The following C6orf89 variants were observed in gnomAD, a reference collection of about 807,000 sequenced individuals.
The protein encoded by C6orf89 is bombesin receptor-activated protein C6orf89.
C6orf89 carries 29 observed loss-of-function variants against 40.7 expected under a neutral mutation model. That is an observed-to-expected ratio of 0.71 (90% confidence interval 0.53 to 0.97). The LOEUF (loss-of-function observed/expected upper bound fraction) is 0.97, where lower values mean the gene tolerates loss of function less well. Among genes scored for constraint, C6orf89 ranks in the 50% least tolerant of loss-of-function variants. The pLI is 0.00. For missense variants in C6orf89, 392 were observed against 429.1 expected (o/e 0.91, Z 0.76); for synonymous variants, 165 against 152.2 (o/e 1.08, Z -0.62).
At chr6:36,910,258 T>G (rs11757380) in intron 4 of C6orf89, among the ~76,000 whole-genome samples, 31,132 of 151,958 alleles carry the variant, frequency 0.2, 3,294 homozygotes, top group East Asian at 0.3. Context: ...CCCAGCTCCT[T>G]TAGTTATTTT....
chr6:36,919,638 C>A lies in C6orf89; in HGVS notation c.886C>A (p.Pro296Thr), dbSNP rs764866742. Residue 296 changes from proline to threonine, a missense_variant, in exon 8 of 9, where the codon CCT becomes ACT. Physicochemically the swap from Pro to Thr is conservative, Grantham distance 38. Coordinates refer to ENST00000480824, the MANE Select transcript of C6orf89 (RefSeq NM_001286635.2). ...GSGEAMLQLI[P>T]PFQCRRHCQS... ...CGGTGAGGCCATGTTGCAGCTCATC[C>A]CTCCCTTCCAGTGCCGAAGACATTG... 6 of 1,614,154 alleles carry A rather than the reference C, an allele frequency of 3.7e-6. No homozygotes were observed. In the South Asian group the frequency reaches 5.5e-5, roughly 15 times the overall value.
intron 1 of C6orf89, among the ~76,000 whole-genome samples, chr6:36,875,190 T>G (rs1016482619): frequency 6.6e-6 from 1 of 152,058 alleles, no homozygotes; most frequent in Non-Finnish European, 1.5e-5. Context: ...AAGAGGGTAG[T>G]TTAGAGATGC....
intron 3 of C6orf89, among the ~76,000 whole-genome samples, chr6:36,901,154 G>A (rs1043368206): frequency 5.3e-5 from 8 of 151,108 alleles, no homozygotes; most frequent in African/African-American, 1.9e-4. Flanking sequence ...CCTAATACTT[G>A]TATTTTTGGT....
At chr6:36,916,922 G>C (rs1028728097) in intron 7 of C6orf89, among the ~76,000 whole-genome samples, 1 of 152,168 alleles carries the variant, frequency 6.6e-6, no homozygotes, top group Admixed American at 6.5e-5. Flanking sequence ...TAGAAAGTAG[G>C]CAAGCAGCCA....
upstream of C6orf89, chr6:36,883,236 T>C (rs1342045964): frequency 6.6e-6 from 1 of 152,174 alleles, no homozygotes; most frequent in Non-Finnish European, 1.5e-5. Flanking sequence ...AGAAAGACTG[T>C]CCTTGCCATC....
In C6orf89 at chr6:36,928,891, G is replaced by T. The variant is rs1408087852; in HGVS notation, c.*5450G>T. The T allele has an allele frequency of 2.0e-5, 3 of 152,248 alleles. No homozygotes were observed. The highest frequency in any genetic ancestry group is 7.2e-5 in the African/African-American group (3 of 41,448). 9.4% of individuals were successfully genotyped at this position (152,248 alleles called of 1,614,324 possible). A position where few individuals can be genotyped will look rare whatever the true frequency, so the allele number is the denominator to read the frequency against. On this transcript the variant is annotated 3_prime_UTR_variant, in exon 9 of 9. Coordinates refer to ENST00000480824, the MANE Select transcript of C6orf89 (RefSeq NM_001286635.2). ...CTGGTAAAGACTTCCACCATGTGAA[G>T]AATGTATGTAAATTAAAGTTTATTG...
rs1762751306 is a variant in C6orf89, at chr6:36,928,301, G to C, written c.*4860G>C. The C allele has an allele frequency of 6.6e-6, 1 of 152,296 alleles. No homozygotes were observed. The highest frequency in any genetic ancestry group is 2.4e-5 in the African/African-American group (1 of 41,434). 9.4% of individuals were successfully genotyped at this position (152,296 alleles called of 1,614,324 possible). ...GGAGAAAGGAACCCAGCCGAGGTCT[G>C]AGTTTCAGACAGAAACTGGGGAGTT... On this transcript the variant is annotated 3_prime_UTR_variant, in exon 9 of 9. Transcript: ENST00000480824.
intron 1 of C6orf89, chr6:36,874,916 T>TC: frequency 1.2e-6 from 1 of 858,024 alleles, no homozygotes; most frequent in Non-Finnish European, 1.8e-6. Flanking sequence ...AAGAGGACGG[T>TC]CCCTTCTTCC....
chr6:36,890,631 T>A (rs537420971), intron 1 of C6orf89, among the ~76,000 whole-genome samples: 145 of 152,314 alleles, frequency 9.5e-4, no homozygotes, highest in African/African-American at 3.5e-3. Context: ...CCTCCCAGGT[T>A]CAAGTGATTC....
chr6:36,881,209 T>C (rs1049189220), upstream of C6orf89, among the ~76,000 whole-genome samples: 4 of 152,198 alleles, frequency 2.6e-5, no homozygotes, highest in African/African-American at 9.7e-5. Context: ...TTGAGAGTAC[T>C]GAAAAAATAG....
chr6:36,878,565 G>C (rs974183627), intron 1 of C6orf89, among the ~76,000 whole-genome samples: 1 of 152,232 alleles, frequency 6.6e-6, no homozygotes, highest in Non-Finnish European at 1.5e-5. Context: ...GCTTAGTACA[G>C]TCTGTCACAG....
Position 36,927,839 on chromosome 6 carries a change from C to CCCCA in C6orf89, c.*4402_*4405dup, listed in dbSNP as rs1206709845. On this transcript the variant is annotated 3_prime_UTR_variant, in exon 9 of 9. Coordinates refer to ENST00000480824, the MANE Select transcript of C6orf89 (RefSeq NM_001286635.2). ...CCAGCAGCAGGCATTTCCCTGTCCT[C>CCCCA]CCCACCCCCAGTCTCCACATCCCCA... 6.6e-6 allele frequency: 1 copy of CCCCA among 152,372 alleles called. No individual in the cohort carries two copies. The highest frequency in any genetic ancestry group is 1.5e-5 in the Non-Finnish European group (1 of 68,148). The allele number at this position is 152,372 out of a possible 1,614,324, so 9.4% of individuals were successfully genotyped here.
chr6:36,923,324 T>C (rs370942464), intron 8 of C6orf89, 23 bp from the exon 9 acceptor site: 2 of 1,593,220 alleles, frequency 1.3e-6, no homozygotes, highest in Admixed American at 1.7e-5. Flanking sequence ...TTACATGCCT[T>C]CCTCTTGCTA....
In C6orf89 at chr6:36,899,537, A is replaced by G. The variant is rs2150690892; in HGVS notation, c.93A>G (p.Ser31=). The change falls in exon 3 of 9, where the codon TCA becomes TCG. Residue 31 remains serine (S), a synonymous_variant. Transcript: ENST00000480824. Reference sequence around the variant, plus strand: ...AGACCGGCCATCAGTGTGGCATGTCAGAGAAGGCAATTGAAAAATTTATCA... The same window carrying G: ...AGACCGGCCATCAGTGTGGCATGTCGGAGAAGGCAATTGAAAAATTTATCA... The part of the protein sequence containing the change: ...VRQTGHQCGM[S]EKAIEKFIRQ... 1 of 1,614,180 alleles carries G rather than the reference A, an allele frequency of 6.2e-7. No individual in the cohort carries two copies. Among genetic ancestry groups the G allele is most frequent in the South Asian group, 1.1e-5 (1 of 91,082 alleles).
chr6:36,901,923 G>A (rs561110824), intron 3 of C6orf89, among the ~76,000 whole-genome samples: 3 of 152,052 alleles, frequency 2.0e-5, no homozygotes, highest in South Asian at 4.2e-4. Flanking sequence ...TGCCCGCCTC[G>A]GCCTCCCAAA....
rs1476566020 is a variant in C6orf89 at position 36,919,517 on chromosome 6, C to T, written c.826-61C>T. 4.5e-6 allele frequency: 7 copies of T among 1,563,054 alleles called. No homozygotes were observed. The African/African-American group carries it at 9.5e-5, about 21-fold the overall frequency. ...TGAAAGCATTTTTATTTACTAAACC[C>T]CCTGGTTTTATTTCGTTTTCTTTGC... On this transcript the variant is annotated intron_variant, in intron 7 of 8. Transcript: ENST00000480824.
chr6:36,908,488 CTCTA>C (rs1474730015), intron 4 of C6orf89, among the ~76,000 whole-genome samples: 1 of 152,144 alleles, frequency 6.6e-6, no homozygotes, highest in Non-Finnish European at 1.5e-5. Flanking sequence ...TATTTCTCAT[CTCTA>C]TCCTTTTAAC....
chr6:36,889,434 A>G (rs1049071397), intron 1 of C6orf89, among the ~76,000 whole-genome samples: 1 of 152,182 alleles, frequency 6.6e-6, no homozygotes, highest in Non-Finnish European at 1.5e-5. Flanking sequence ...GGAGGGAGAG[A>G]GTACCAGAAA....
At chr6:36,897,799 G>A (rs1477511281) in intron 2 of C6orf89, among the ~76,000 whole-genome samples, 2 of 152,226 alleles carry the variant, frequency 1.3e-5, no homozygotes, top group Non-Finnish European at 2.9e-5. Flanking sequence ...GCGCTGGGTT[G>A]TGTTGTAACA....
Sources: allele counts gnomAD v4.1 joint callset (sites outside exome capture counted in the v4.1 genomes callset), GRCh38; gene constraint gnomAD v4.1.1; transcripts MANE v1.5; gene names NCBI Gene and HGNC (gene_info 2026-07-23, HGNC 2026-07-21).